RIC3: variants seen among roughly 807,000 people sequenced by gnomAD.
RIC3 encodes RIC3 acetylcholine receptor chaperone, also known as protein RIC-3.
A neutral mutation model predicts 27.3 loss-of-function variants in RIC3; 28 were observed. The ratio of observed to expected loss-of-function variants is 1.02; its 90% CI spans 0.76 to 1.41. The LOEUF (loss-of-function observed/expected upper bound fraction) is 1.41, where lower values mean the gene tolerates loss of function less well. Among genes scored for constraint, RIC3 ranks in the 40% most tolerant of loss-of-function variants. The probability of loss-of-function intolerance (pLI) is 0.00; values close to 1 mark genes in which losing one functional copy is unlikely to be tolerated. For synonymous variants in RIC3, 184 were observed against 160.4 expected (o/e 1.15, Z -1.11); for missense variants, 501 against 444.7 (o/e 1.13, Z -1.14).
intron 4 of RIC3, among the ~76,000 whole-genome samples, chr11:8,135,079 T>C (rs1590205714): frequency 6.6e-6 from 1 of 152,058 alleles, no homozygotes; most frequent in South Asian, 2.1e-4. Context: ...GCCTATGGTA[T>C]TGCCTAGGTT....
At chr11:8,129,846 A>G (rs999251099) in intron 4 of RIC3, among the ~76,000 whole-genome samples, 10 of 152,246 alleles carry the variant, frequency 6.6e-5, no homozygotes, top group Admixed American at 5.2e-4. Flanking sequence ...CTCCCAGCCA[A>G]TGACTTCCAA....
downstream of RIC3, chr11:8,103,012 A>T (rs1273120806): frequency 6.6e-6 from 1 of 152,296 alleles, no homozygotes; most frequent in Non-Finnish European, 1.5e-5. Context: ...GTAGGAAATC[A>T]GGCAGTTCCC....
intron 1 of RIC3, among the ~76,000 whole-genome samples, chr11:8,161,170 G>A (rs940639333): frequency 5.9e-5 from 9 of 152,168 alleles, no homozygotes; most frequent in East Asian, 1.9e-4. Flanking sequence ...GGCACTTCAC[G>A]TAAGATACGG....
chr11:8,151,841 A>C (rs542770807), intron 1 of RIC3, among the ~76,000 whole-genome samples: 3 of 150,508 alleles, frequency 2.0e-5, no homozygotes, highest in Non-Finnish European at 1.5e-5. Context: ...GCTTGAACCC[A>C]GGAGACAAAG....
chr11:8,159,218 G>A (rs558386031), intron 1 of RIC3, among the ~76,000 whole-genome samples: 21 of 152,240 alleles, frequency 1.4e-4, no homozygotes, highest in Admixed American at 9.2e-4. Flanking sequence ...AAAGGCACAT[G>A]GATATCCAAA....
At chr11:8,167,499 G>A (rs1366856368) in intron 1 of RIC3, among the ~76,000 whole-genome samples, 2 of 152,068 alleles carry the variant, frequency 1.3e-5, no homozygotes, top group Non-Finnish European at 2.9e-5. Context: ...CCTAACATGA[G>A]AACACTGAAT....
chr11:8,140,868 G>A (rs1215616297), intron 1 of RIC3, among the ~76,000 whole-genome samples: 3 of 151,682 alleles, frequency 2.0e-5, no homozygotes, highest in Non-Finnish European at 2.9e-5. Context: ...GAGAGTGGGG[G>A]CCAATATTCA....
chr11:8,149,553 A>C (rs1273365952), intron 1 of RIC3, among the ~76,000 whole-genome samples: 3 of 152,220 alleles, frequency 2.0e-5, no homozygotes, highest in African/African-American at 7.2e-5. Context: ...GGTCTGGGAA[A>C]ACGTCAAAAA....
At chr11:8,101,410 G>T (rs1944296503), downstream of RIC3, 7 of 1,572,696 alleles carry the variant, frequency 4.5e-6, no homozygotes, top group South Asian at 8.0e-5. Context: ...TGTGGTTTGG[G>T]TGTCTGTCTA....
intron 5 of RIC3, among the ~76,000 whole-genome samples, chr11:8,118,739 C>T (rs564866818): frequency 6.8e-4 from 103 of 151,654 alleles, no homozygotes; most frequent in African/African-American, 2.2e-3. Context: ...GGAGTGATGG[C>T]GGGCACCTGT....
At chr11:8,165,765 GGTT>G (rs1166662393) in intron 1 of RIC3, among the ~76,000 whole-genome samples, 1 of 140,748 alleles carries the variant, frequency 7.1e-6, no homozygotes, top group East Asian at 2.1e-4. Flanking sequence ...TGTTTTTTGG[GGTT>G]TTTTTTTTGT....
Position 8,110,823 on chromosome 11 carries a change from C to T in RIC3, c.985G>A (p.Glu329Lys). Residue 329 changes from glutamate to lysine, a missense_variant, in exon 6 of 6, where the codon GAG becomes AAG. Coordinates refer to ENST00000309737, the MANE Select transcript of RIC3 (RefSeq NM_001206671.4). Reference sequence around the variant, plus strand: ...TCTTCTTTGGTGGTTTCCTCTTGCTCAGGGTAGCTATCTGCACTGAATCCA... The same window carrying T: ...TCTTCTTTGGTGGTTTCCTCTTGCTTAGGGTAGCTATCTGCACTGAATCCA... ...NAGFSADSYP[E>K]QEETTKEEWS... 6.2e-7 allele frequency: 1 copy of T among 1,614,200 alleles called. No individual in the cohort carries two copies.
chr11:8,133,735 G>C (rs77075036), intron 4 of RIC3, among the ~76,000 whole-genome samples: 2 of 152,276 alleles, frequency 1.3e-5, no homozygotes, highest in Admixed American at 1.3e-4. Context: ...ACATAAAAAA[G>C]GAGACATAAA....
chr11:8,097,208 C>A, the RIC3 span: 1 of 1,613,482 alleles, frequency 6.2e-7, no homozygotes, highest in Non-Finnish European at 8.5e-7. Flanking sequence ...GGCTCAGGCA[C>A]CTATTCTGCA....
At chr11:8,149,829 A>C (rs1950060448) in intron 1 of RIC3, among the ~76,000 whole-genome samples, 1 of 152,066 alleles carries the variant, frequency 6.6e-6, no homozygotes, top group African/African-American at 2.4e-5. Flanking sequence ...CCAAACAGAA[A>C]CTAGCCATTT....
chr11:8,097,858 G>C, the RIC3 span: 2 of 1,575,836 alleles, frequency 1.3e-6, no homozygotes, highest in Non-Finnish European at 1.7e-6. Flanking sequence ...GCAGGCGGGA[G>C]TGGGAGGGAG....
the RIC3 span, among the ~76,000 whole-genome samples, chr11:8,094,906 C>G: frequency 6.6e-6 from 1 of 152,248 alleles, no homozygotes; most frequent in Non-Finnish European, 1.5e-5. Flanking sequence ...GGCAGGGTGG[C>G]TGCCACCTGT....
the RIC3 span, chr11:8,097,113 C>G: frequency 8.2e-7 from 1 of 1,222,530 alleles, no homozygotes; most frequent in Admixed American, 2.1e-5. Context: ...GCCCCAATCC[C>G]AGGATCCTTC....
intron 1 of RIC3, among the ~76,000 whole-genome samples, chr11:8,151,002 G>A (rs1298771662): frequency 6.6e-6 from 1 of 152,200 alleles, no homozygotes; most frequent in Non-Finnish European, 1.5e-5. Context: ...CAAAATGGAT[G>A]AAAGACCTAA....
Sources: allele counts gnomAD v4.1 joint callset (sites outside exome capture counted in the v4.1 genomes callset), GRCh38; gene constraint gnomAD v4.1.1; transcripts MANE v1.5; gene names NCBI Gene and HGNC (gene_info 2026-07-23, HGNC 2026-07-21).